The following SEC16B variants were observed in gnomAD, a reference collection of about 807,000 sequenced individuals.
SEC16B encodes SEC16 homolog B, endoplasmic reticulum export factor.
A neutral mutation model predicts 141.8 loss-of-function variants in SEC16B; 115 were observed. That is an observed-to-expected ratio of 0.81 (90% CI 0.70 to 0.95). The LOEUF (loss-of-function observed/expected upper bound fraction) is 0.95, where lower values mean the gene tolerates loss of function less well. SEC16B is among the 40% of genes least tolerant of loss of function. SEC16B has a pLI of 0.00. For synonymous variants in SEC16B, 493 were observed against 492.5 expected (o/e 1.00, Z -0.01); for missense variants, 1,291 against 1,312.3 (o/e 0.98, Z 0.25).
upstream of SEC16B, chr1:177,971,577 T>A (rs959589072): frequency 2.0e-5 from 3 of 152,238 alleles, no homozygotes; most frequent in African/African-American, 7.2e-5. Context: ...TTCACAAAAG[T>A]TCTTGATGTC....
At chr1:177,963,215 G>A (rs1370515692) in intron 5 of SEC16B, among the ~76,000 whole-genome samples, 1 of 151,986 alleles carries the variant, frequency 6.6e-6, no homozygotes, top group Non-Finnish European at 1.5e-5. Flanking sequence ...ATAATAATAT[G>A]TGCCCTACTC....
intron 2 of SEC16B, 23 bp downstream of exon 2, chr1:177,967,660 C>A: frequency 6.5e-7 from 1 of 1,543,968 alleles, no homozygotes; most frequent in South Asian, 1.2e-5. Flanking sequence ...GAGTTGCATT[C>A]ATTCCAAGCC....
chr1:177,937,689 C>T (rs1466567883), intron 18 of SEC16B, among the ~76,000 whole-genome samples, 176 bp from the exon 19 acceptor site: 1 of 152,180 alleles, frequency 6.6e-6, no homozygotes, highest in East Asian at 1.9e-4. Context: ...GTAACATCCT[C>T]ATTGCTGTTT....
At chr1:177,933,927 G>T (rs1381970489) in intron 20 of SEC16B, among the ~76,000 whole-genome samples, 3 of 151,654 alleles carry the variant, frequency 2.0e-5, no homozygotes, top group Non-Finnish European at 4.4e-5. Flanking sequence ...GGAGTAGGGG[G>T]TATGGACTGC....
Position 177,933,324 on chromosome 1 carries a change from A to G in SEC16B, c.2725-12T>C. ...CCAAACCCTGAGCTCTGGAAGGGGA[A>G]GAGGACATTTTATGACCTGCAGGTT... On this transcript the variant is annotated splice_polypyrimidine_tract_variant and intron_variant, in intron 21 of 25. Coordinates refer to ENST00000308284, the MANE Select transcript of SEC16B (RefSeq NM_033127.4). 6.3e-7 allele frequency: 1 copy of G among 1,590,724 alleles called. No homozygotes were observed. The highest frequency in any genetic ancestry group is 8.6e-7 in the Non-Finnish European group (1 of 1,168,018).
At chr1:177,937,122 C>T in intron 19 of SEC16B, 92 bp downstream of exon 19, 2 of 1,389,802 alleles carry the variant, frequency 1.4e-6, no homozygotes, top group East Asian at 2.4e-5. Context: ...TCCAACCCTA[C>T]CTCCTCTGAC....
chr1:177,948,523 C>T (rs967893447), intron 12 of SEC16B: 1 of 1,304,252 alleles, frequency 7.7e-7, no homozygotes, highest in Admixed American at 2.3e-5. Context: ...CCAGCTAGGA[C>T]GATGCAGAGG....
At chr1:177,961,056 T>C in intron 6 of SEC16B, 117 bp from the exon 7 acceptor site, 2 of 1,159,734 alleles carry the variant, frequency 1.7e-6, no homozygotes, top group Non-Finnish European at 2.5e-6. Context: ...CAAAATAAGA[T>C]TCTGGGTGGG....
intron 22 of SEC16B, 38 bp downstream of exon 22, chr1:177,933,176 C>T: frequency 6.6e-7 from 1 of 1,509,354 alleles, no homozygotes; most frequent in Non-Finnish European, 9.0e-7. Flanking sequence ...CTGAAAGACC[C>T]ACAGAGAGGG....
chr1:177,938,163 G>A (rs757710642), intron 18 of SEC16B, among the ~76,000 whole-genome samples: 2 of 152,054 alleles, frequency 1.3e-5, no homozygotes, highest in South Asian at 2.1e-4. Flanking sequence ...ATGAGCCTCC[G>A]TTCCATCAGC....
chr1:177,949,429 C>CACACACACACACAA (rs1491561749), intron 12 of SEC16B, among the ~76,000 whole-genome samples: 5 of 139,244 alleles, frequency 3.6e-5, no homozygotes, highest in African/African-American at 1.3e-4. Context: ...CACACACACA[C>CACACACACACACAA]AAAGAAAAAC....
At position 177,958,200 on chromosome 1, in the gene SEC16B, G is replaced by T. The variant is rs1424681095; in HGVS notation, c.1297C>A (p.Pro433Thr). 19 of 1,597,954 alleles carry T rather than the reference G, an allele frequency of 1.2e-5. No individual in the cohort carries two copies. The highest frequency in any genetic ancestry group is 1.6e-5 in the Non-Finnish European group (19 of 1,171,740). ...ATCTGCGCAGGTGTCTCCACACTGG[G>T]GGGGATCTCTCCCGTGAGCAGGTTC... ...TPNLLTGEIP[P>T]SVETPAQIVE... Residue 433 changes from proline (P) to threonine (T), a missense_variant, in exon 10 of 26, where the codon CCC becomes ACC. Pro to Thr is a conservative substitution (Grantham distance 38). Coordinates refer to ENST00000308284, the MANE Select transcript of SEC16B (RefSeq NM_033127.4).
At chr1:177,982,729 T>G (rs1654471733) in intron 1 of SEC16B, among the ~76,000 whole-genome samples, 1 of 152,170 alleles carries the variant, frequency 6.6e-6, no homozygotes, top group South Asian at 2.1e-4. Flanking sequence ...TTATTTTAGT[T>G]TAGTTTTTGA....
upstream of SEC16B, among the ~76,000 whole-genome samples, chr1:177,974,486 G>A (rs1232056544): frequency 6.6e-6 from 1 of 152,158 alleles, no homozygotes; most frequent in Non-Finnish European, 1.5e-5. Flanking sequence ...CAGAGGTGAT[G>A]GCTTCAAAAG....
intron 13 of SEC16B, among the ~76,000 whole-genome samples, chr1:177,947,414 G>A (rs1035199038): frequency 2.0e-5 from 3 of 152,054 alleles, no homozygotes; most frequent in Non-Finnish European, 4.4e-5. Context: ...TGTCCTATGC[G>A]TTAACTCCAT....
At chr1:177,932,225 A>G (rs1485927629) in intron 24 of SEC16B, among the ~76,000 whole-genome samples, 4 of 152,232 alleles carry the variant, frequency 2.6e-5, no homozygotes, top group African/African-American at 9.6e-5. Context: ...ATGGCCGGGC[A>G]CAAGCCAAGG....
chr1:177,939,720 C>A lies in SEC16B; in HGVS notation c.2185G>T (p.Ala729Ser). ...PHPTRSDISG[A>S]GGTTTENTFY... ...TGGGTACCTGTTGTTGTTCCTCCGG[C>A]TCCCGAAATATCTGAGCGAGTAGGA... is the stretch of plus-strand genomic sequence containing the variant. Residue 729 changes from alanine (A) to serine (S), a missense_variant, in exon 18 of 26, where the codon GCC becomes TCC. Coordinates refer to ENST00000308284, the MANE Select transcript of SEC16B (RefSeq NM_033127.4). The A allele has an allele frequency of 6.3e-7, 1 of 1,596,378 alleles. No individual in the cohort carries two copies. The highest frequency in any genetic ancestry group is 1.3e-5 in the African/African-American group (1 of 74,768).
At chr1:177,953,383 G>A (rs1652353836) in intron 11 of SEC16B, among the ~76,000 whole-genome samples, 1 of 152,200 alleles carries the variant, frequency 6.6e-6, no homozygotes, top group Non-Finnish European at 1.5e-5. Context: ...TGAGAGGATA[G>A]CTTCACAGCT....
chr1:177,937,557 G>A (rs372000340), intron 18 of SEC16B, 44 bp from the exon 19 acceptor site: 181 of 1,428,466 alleles, frequency 1.3e-4, no homozygotes, highest in Non-Finnish European at 1.6e-4. Context: ...CCTGAAATGC[G>A]GCATTTGCAT....
Sources: gnomAD v4.1 joint callset for allele counts (sites outside exome capture counted in the v4.1 genomes callset) on GRCh38, gnomAD v4.1.1 for gene constraint, MANE v1.5 for transcripts, NCBI Gene and HGNC (gene_info 2026-07-23, HGNC 2026-07-21) for gene names.